Variants in LGR5 observed in about 807,000 individuals in gnomAD.
The protein encoded by LGR5 is leucine rich repeat containing G protein-coupled receptor 5.
A neutral mutation model predicts 76.7 loss-of-function variants in LGR5; 54 were observed. The observed-to-expected ratio is 0.70, with a 90% CI of 0.57 to 0.88. The LOEUF (loss-of-function observed/expected upper bound fraction) is 0.88, where lower values mean the gene tolerates loss of function less well. Ranked by LOEUF, LGR5 falls within the 40% of genes least tolerant of loss-of-function variation. The probability of loss-of-function intolerance (pLI) is 0.00; values close to 1 mark genes in which losing one functional copy is unlikely to be tolerated. For synonymous variants in LGR5, 406 were observed against 421.9 expected (o/e 0.96, Z 0.46); for missense variants, 1,078 against 1,073.3 (o/e 1.00, Z -0.06).
intron 8 of LGR5, among the ~76,000 whole-genome samples, chr12:71,562,878 G>C (rs1878129046): frequency 6.6e-6 from 1 of 152,112 alleles, no homozygotes; most frequent in Admixed American, 6.6e-5. Flanking sequence ...AAATGAGCAG[G>C]AGTCCCAATT....
intron 3 of LGR5, among the ~76,000 whole-genome samples, chr12:71,534,070 A>G (rs912044926): frequency 1.6e-4 from 25 of 152,360 alleles, no homozygotes; most frequent in African/African-American, 6.0e-4. Context: ...AAACACAAAT[A>G]CAAGTTTGCA....
intron 1 of LGR5, among the ~76,000 whole-genome samples, chr12:71,482,311 G>C (rs897142141): frequency 1.5e-4 from 23 of 152,064 alleles, no homozygotes; most frequent in African/African-American, 5.3e-4. Context: ...TATTTATTTT[G>C]TCACAATTCT....
intron 3 of LGR5, among the ~76,000 whole-genome samples, chr12:71,530,756 C>A (rs951355939): frequency 6.6e-6 from 1 of 152,088 alleles, no homozygotes; most frequent in Non-Finnish European, 1.5e-5. Flanking sequence ...ACACCAAAAC[C>A]AAAGCCACAT....
chr12:71,507,281 G>C (rs941846326), intron 2 of LGR5, among the ~76,000 whole-genome samples: 2 of 152,116 alleles, frequency 1.3e-5, no homozygotes, highest in Non-Finnish European at 2.9e-5. Flanking sequence ...GGAAAGTGGA[G>C]GGACGGTTGG....
At position 71,508,734 on chromosome 12, in the gene LGR5, T is replaced by C. The variant is rs1401062827; in HGVS notation, c.284+4049T>C. On this transcript the variant is annotated intron_variant, in intron 2 of 17. Coordinates refer to ENST00000266674, the MANE Select transcript of LGR5 (RefSeq NM_003667.4). ...GTGCCACTGCAGTCCAGCCTGGTGATAGAGTGAGACTCAGTCTCAAAAAAA... is the reference window on the plus strand; with the variant it reads ...GTGCCACTGCAGTCCAGCCTGGTGACAGAGTGAGACTCAGTCTCAAAAAAA... Among the ~76,000 whole-genome samples, 3 of 118,590 alleles carry C rather than the reference T, an allele frequency of 2.5e-5. No individual in the cohort carries two copies. In the East Asian group the frequency reaches 7.0e-4, roughly 28 times the overall value. The allele number at this position is 118,590 out of a possible 152,430, so 77.8% of individuals were successfully genotyped here. A position where few individuals can be genotyped will look rare whatever the true frequency, so the allele number is the denominator to read the frequency against.
intron 2 of LGR5, among the ~76,000 whole-genome samples, chr12:71,505,428 C>A (rs1001829615): frequency 3.9e-5 from 6 of 152,132 alleles, no homozygotes; most frequent in African/African-American, 1.4e-4. Flanking sequence ...GGAGGTGATA[C>A]CCCATCACAG....
intron 4 of LGR5, among the ~76,000 whole-genome samples, chr12:71,549,964 T>TA (rs1413932000): frequency 2.0e-5 from 3 of 152,138 alleles, no homozygotes; most frequent in Non-Finnish European, 4.4e-5. Flanking sequence ...ACGTGATTCA[T>TA]AAAAGATATT....
At chr12:71,501,204 CA>C (rs1219136538) in intron 1 of LGR5, among the ~76,000 whole-genome samples, 1 of 151,968 alleles carries the variant, frequency 6.6e-6, no homozygotes, top group African/African-American at 2.4e-5. Context: ...TCAAAAAGAC[CA>C]AATGCTATAG....
intron 8 of LGR5, 75 bp from the exon 9 acceptor site, chr12:71,566,329 T>A (rs2137442100): frequency 6.6e-6 from 6 of 903,698 alleles, no homozygotes; most frequent in Non-Finnish European, 1.1e-5. Context: ...TTACTGTATT[T>A]GTTCAAATTT....
intron 13 of LGR5, among the ~76,000 whole-genome samples, chr12:71,575,722 A>ATATGTGTGTGTGTG (rs1555176199): frequency 1.7e-4 from 24 of 144,862 alleles, no homozygotes; most frequent in African/African-American, 6.3e-4. Flanking sequence ...AAAAATATAT[A>ATATGTGTGTGTGTG]TGTGTGTGTG....
At chr12:71,526,571 C>T (rs2137347329) in intron 3 of LGR5, among the ~76,000 whole-genome samples, 1 of 152,234 alleles carries the variant, frequency 6.6e-6, no homozygotes, top group South Asian at 2.1e-4. Context: ...CAAATTATTA[C>T]TAGAAATATA....
intron 1 of LGR5, among the ~76,000 whole-genome samples, chr12:71,455,447 T>A (rs1299777099): frequency 6.6e-6 from 1 of 152,180 alleles, no homozygotes; most frequent in Non-Finnish European, 1.5e-5. Flanking sequence ...CACTCCCATT[T>A]TGGGCAACAA....
rs566682840 is a variant in LGR5, at chr12:71,488,654, C to G, written c.213-15960C>G. Among the ~76,000 whole-genome samples the G allele has an allele frequency of 3.7e-4, 56 of 152,268 alleles. No homozygotes were observed. The South Asian group carries it at 4.4e-3, about 12-fold the overall frequency. ...ATAAGTCCAGGAGATACATGAGGCT[C>G]TATTTTCAAAGACACGGGTCTCCTT... On this transcript the variant is annotated intron_variant, in intron 1 of 17. Coordinates refer to ENST00000266674, the MANE Select transcript of LGR5 (RefSeq NM_003667.4).
At chr12:71,500,159 GA>G (rs1004041582) in intron 1 of LGR5, among the ~76,000 whole-genome samples, 288 of 146,294 alleles carry the variant, frequency 2.0e-3, no homozygotes, top group African/African-American at 5.2e-3. Flanking sequence ...TCTGTAAAAT[GA>G]AAAAAAAAAT....
intron 1 of LGR5, among the ~76,000 whole-genome samples, chr12:71,482,243 T>C (rs905737203): frequency 6.6e-6 from 1 of 152,200 alleles, no homozygotes; most frequent in Non-Finnish European, 1.5e-5. Context: ...TATGTATTAG[T>C]TTGCTGGGAC....
intron 4 of LGR5, among the ~76,000 whole-genome samples, chr12:71,541,101 G>T (rs533210744): frequency 1.3e-5 from 2 of 152,296 alleles, no homozygotes; most frequent in East Asian, 3.9e-4. Flanking sequence ...ACCATATGCA[G>T]ATCAGCACCC....
chr12:71,480,262 G>A (rs1388794846), intron 1 of LGR5, among the ~76,000 whole-genome samples: 1 of 151,724 alleles, frequency 6.6e-6, no homozygotes. Context: ...TGCTCGGGAG[G>A]CTGAGGCAGA....
chr12:71,462,217 C>A (rs1387896054), intron 1 of LGR5, among the ~76,000 whole-genome samples: 1 of 152,106 alleles, frequency 6.6e-6, no homozygotes, highest in African/African-American at 2.4e-5. Context: ...TCTACAATCA[C>A]CTCAAGTCAT....
intron 2 of LGR5, among the ~76,000 whole-genome samples, chr12:71,521,135 G>T (rs563412340): frequency 6.6e-6 from 1 of 152,166 alleles, no homozygotes; most frequent in Non-Finnish European, 1.5e-5. Context: ...ATAGGAAGAC[G>T]AAAGGGAAAT....
Sources: allele counts gnomAD v4.1 joint callset (sites outside exome capture counted in the v4.1 genomes callset), GRCh38; gene constraint gnomAD v4.1.1; transcripts MANE v1.5; gene names NCBI Gene and HGNC (gene_info 2026-07-23, HGNC 2026-07-21).